PTPRG: variants seen among roughly 807,000 people sequenced by gnomAD.
PTPRG encodes the protein receptor-type tyrosine-protein phosphatase gamma.
A neutral mutation model predicts 165.3 loss-of-function variants in PTPRG; 102 were observed. The ratio of observed to expected loss-of-function variants is 0.62; its 90% CI spans 0.53 to 0.73. The LOEUF is 0.73. Ranked by LOEUF, PTPRG falls within the 30% of genes least tolerant of loss-of-function variation. The probability of loss-of-function intolerance (pLI) is 0.00; values close to 1 mark genes in which losing one functional copy is unlikely to be tolerated. For synonymous variants in PTPRG, 675 were observed against 669.5 expected, an observed-to-expected ratio of 1.01 and a Z score of -0.13; for missense variants, 1,866 against 1,861.4, an observed-to-expected ratio of 1.00 and a Z score of -0.05.
chr3:61,696,154 T>C (rs1181596043), intron 1 of PTPRG, among the ~76,000 whole-genome samples: 2 of 152,154 alleles, frequency 1.3e-5, no homozygotes, highest in Non-Finnish European at 2.9e-5. Context: ...AATGCTTGTA[T>C]GTTTGTGCTA....
intron 1 of PTPRG, among the ~76,000 whole-genome samples, chr3:61,655,130 G>T (rs1444850011): frequency 6.6e-6 from 1 of 152,028 alleles, no homozygotes; most frequent in East Asian, 1.9e-4. Flanking sequence ...CAGGAGTCCT[G>T]GTTGCCTGGT....
intron 5 of PTPRG, among the ~76,000 whole-genome samples, chr3:62,127,496 G>T (rs1703337709): frequency 6.6e-6 from 1 of 152,242 alleles, no homozygotes; most frequent in African/African-American, 2.4e-5. Context: ...GGAAGGCCAT[G>T]TGGAGTCTCT....
At chr3:61,928,799 A>G (rs991518947) in intron 2 of PTPRG, among the ~76,000 whole-genome samples, 4 of 152,178 alleles carry the variant, frequency 2.6e-5, no homozygotes, top group African/African-American at 9.7e-5. Context: ...ATAGAAAGGT[A>G]TCAGATGTAT....
At chr3:61,671,916 T>C (rs1703009902) in intron 1 of PTPRG, among the ~76,000 whole-genome samples, 1 of 141,174 alleles carries the variant, frequency 7.1e-6, no homozygotes, top group Admixed American at 7.1e-5. Flanking sequence ...CCCACCTCCC[T>C]CCCGGACGAG....
intron 5 of PTPRG, among the ~76,000 whole-genome samples, chr3:62,117,121 C>A (rs1462471506): frequency 1.3e-5 from 2 of 152,150 alleles, no homozygotes; most frequent in African/African-American, 2.4e-5. Flanking sequence ...TTTATTAGAA[C>A]CTGGTGACCC....
chr3:62,061,192 A>G (rs752780955), intron 4 of PTPRG, among the ~76,000 whole-genome samples: 5 of 152,352 alleles, frequency 3.3e-5, no homozygotes, highest in African/African-American at 7.2e-5. Flanking sequence ...ACAACTCTCT[A>G]TGATGACTGA....
chr3:61,978,142 A>G (rs185277510), intron 2 of PTPRG, among the ~76,000 whole-genome samples: 4 of 152,190 alleles, frequency 2.6e-5, no homozygotes, highest in African/African-American at 9.6e-5. Context: ...GTAAGCCACC[A>G]TGCCTGACTG....
In PTPRG at chr3:62,252,285, ATAC is replaced by A. The variant is rs1701437449; in HGVS notation, c.2468-2836_2468-2834del. 6.6e-6 allele frequency among the ~76,000 whole-genome samples: 1 copy of A among 152,198 alleles called. No individual in the cohort carries two copies. Among genetic ancestry groups the A allele is most frequent in the African/African-American group, 2.4e-5 (1 of 41,448 alleles). On this transcript the variant is annotated intron_variant, in intron 15 of 29. Coordinates refer to ENST00000474889, the MANE Select transcript of PTPRG (RefSeq NM_002841.4). The surrounding 1 kb of genome is among the most constrained non-coding windows in gnomAD (Gnocchi z 4.6). Reference sequence around the variant, plus strand: ...GACCATCTCCCTAATATCTGGCTGAATACTAGGTGCTCAGAAACGGCTTCATCC... The same window carrying A: ...GACCATCTCCCTAATATCTGGCTGAATAGGTGCTCAGAAACGGCTTCATCC...
chr3:62,067,301 A>G (rs920978534), intron 4 of PTPRG, among the ~76,000 whole-genome samples: 24 of 149,212 alleles, frequency 1.6e-4, no homozygotes, highest in African/African-American at 5.2e-4. Flanking sequence ...GTGAGTAGGC[A>G]CAGGAAACTC....
rs550781997 is a variant in PTPRG at position 62,229,738 on chromosome 3, A to G, written c.2289-1487A>G. ...TGCTCAGGTAGCCTCAAATATCTCA[A>G]TTATTCAAGATATTAGTTATTGATT... On this transcript the variant is annotated intron_variant, in intron 13 of 29. Coordinates refer to ENST00000474889, the MANE Select transcript of PTPRG (RefSeq NM_002841.4). The surrounding 1 kb of genome is among the most constrained non-coding windows in gnomAD (Gnocchi z 4.6). 6.1e-4 allele frequency among the ~76,000 whole-genome samples: 93 copies of G among 152,270 alleles called. No individual in the cohort carries two copies. The highest frequency in any genetic ancestry group is 2.0e-3 in the African/African-American group (84 of 41,552).
chr3:61,620,537 G>C (rs1701420804), intron 1 of PTPRG, among the ~76,000 whole-genome samples: 1 of 152,098 alleles, frequency 6.6e-6, no homozygotes, highest in Admixed American at 6.6e-5. Flanking sequence ...GAAACTTGAG[G>C]GTTTTTTTTG....
chr3:61,766,644 T>TCTCA (rs2034025941), intron 2 of PTPRG, among the ~76,000 whole-genome samples: 1 of 151,832 alleles, frequency 6.6e-6, no homozygotes, highest in East Asian at 2.0e-4. Context: ...TTTAAGACAG[T>TCTCA]CTCACCCTGT....
intron 2 of PTPRG, among the ~76,000 whole-genome samples, chr3:61,768,475 A>G (rs1320548401): frequency 6.6e-6 from 1 of 152,228 alleles, no homozygotes; most frequent in Non-Finnish European, 1.5e-5. Context: ...GAGTCTGTGT[A>G]GGAAGTCCCC....
rs886203400 is a variant in PTPRG, at chr3:62,124,482, AG to A, written c.616-8119del. 4.3e-6 allele frequency: 7 copies of A among 1,610,250 alleles called. No homozygotes were observed. In the African/African-American group the frequency reaches 9.4e-5, roughly 22 times the overall value. On this transcript the variant is annotated intron_variant, in intron 5 of 29. Transcript: ENST00000474889. ...GGCACCAGCTCCTTGAGCTTGGAGTAGCAGTCATTCATGTTTTACAGCAGGC... is the reference window on the plus strand; with the variant it reads ...GGCACCAGCTCCTTGAGCTTGGAGTACAGTCATTCATGTTTTACAGCAGGC...
intron 2 of PTPRG, among the ~76,000 whole-genome samples, chr3:61,909,913 G>T (rs1379878504): frequency 6.6e-6 from 1 of 152,094 alleles, no homozygotes; most frequent in Non-Finnish European, 1.5e-5. Flanking sequence ...TGGACATCAG[G>T]TTCAGAGAGT....
At chr3:62,019,572 G>C (rs959993645) in intron 4 of PTPRG, among the ~76,000 whole-genome samples, 1 of 150,438 alleles carries the variant, frequency 6.6e-6, no homozygotes, top group South Asian at 2.1e-4. Context: ...CAGGAGATCT[G>C]TTGTATAACA....
intron 13 of PTPRG, among the ~76,000 whole-genome samples, chr3:62,230,366 T>G (rs1177149415): frequency 2.6e-5 from 4 of 152,192 alleles, no homozygotes; most frequent in Non-Finnish European, 5.9e-5. Flanking sequence ...GCTTCAGAAT[T>G]CTTTGTGGGA....
chr3:61,887,153 TATATATATATATA>T lies in PTPRG; in HGVS notation c.191-102471_191-102459del, dbSNP rs1559670195. Among the ~76,000 whole-genome samples, 10 of 59,888 alleles carry T rather than the reference TATATATATATATA, an allele frequency of 1.7e-4. No homozygotes were observed. In the East Asian group the frequency reaches 2.7e-3, roughly 16 times the overall value. The allele number at this position is 59,888 out of a possible 152,430, so 39.3% of individuals were successfully genotyped here. On this transcript the variant is annotated intron_variant, in intron 2 of 29. Coordinates refer to ENST00000474889, the MANE Select transcript of PTPRG (RefSeq NM_002841.4). ...ATATATATATATATATATATATATATATATATATATATATATATTTTTAATGCCATCATCAAAC... is the reference window on the plus strand; with the variant it reads ...ATATATATATATATATATATATATATTATATTTTTAATGCCATCATCAAAC...
intron 14 of PTPRG, among the ~76,000 whole-genome samples, chr3:62,236,828 T>C (rs1001942257): frequency 1.3e-5 from 2 of 152,162 alleles, no homozygotes; most frequent in Non-Finnish European, 2.9e-5. Context: ...TTCAGGGCAG[T>C]GTTGTAGTAA....
Sources: allele counts gnomAD v4.1 joint callset (sites outside exome capture counted in the v4.1 genomes callset), GRCh38; gene constraint gnomAD v4.1.1; non-coding constraint Gnocchi (gnomAD v3.1); transcripts MANE v1.5; gene names NCBI Gene and HGNC (gene_info 2026-07-23, HGNC 2026-07-21).